The following JADE3 variants were observed in gnomAD, a reference collection of about 807,000 sequenced individuals.
The protein encoded by JADE3 is protein Jade-3.
A neutral mutation model predicts 50.1 loss-of-function variants in JADE3; 2 were observed. The observed-to-expected ratio is 0.04, with a 90% CI of 0.02 to 0.13. The LOEUF is 0.13. Among genes scored for constraint, JADE3 ranks in the 10% least tolerant of loss-of-function variants. The pLI is 1.00. For synonymous variants in JADE3, 218 were observed against 232.9 expected (o/e 0.94, Z 0.58); for missense variants, 475 against 634.4 (o/e 0.75, Z 2.70).
chrX:47,033,991 T>C (rs1556367342), intron 7 of JADE3, among the ~76,000 whole-genome samples: 1 of 111,391 alleles, frequency 9.0e-6, no homozygotes, highest in Non-Finnish European at 1.9e-5. Flanking sequence ...ATATAGGTGG[T>C]ATTCCCAGTG....
At chrX:46,957,769 T>C (rs1927168264) in intron 1 of JADE3, among the ~76,000 whole-genome samples, 1 of 112,444 alleles carries the variant, frequency 8.9e-6, no homozygotes, top group Non-Finnish European at 1.9e-5. Flanking sequence ...TGATTGATTA[T>C]AGACCCACTT....
intron 1 of JADE3, among the ~76,000 whole-genome samples, chrX:46,917,705 C>T (rs1411337155): frequency 1.8e-5 from 2 of 109,389 alleles, no homozygotes; most frequent in Non-Finnish European, 3.8e-5. Flanking sequence ...ATTGACAGGG[C>T]CTTACGGGAC....
At chrX:46,978,105 A>C (rs781819266) in intron 1 of JADE3, among the ~76,000 whole-genome samples, 1 of 112,119 alleles carries the variant, frequency 8.9e-6, no homozygotes, top group African/African-American at 3.2e-5. Context: ...AGGGCTGACC[A>C]TGTAAAGCAG....
intron 7 of JADE3, 22 bp from the exon 8 acceptor site, chrX:47,038,927 T>C (rs201110431): frequency 3.2e-4 from 298 of 919,489 alleles, no homozygotes; most frequent in Non-Finnish European, 3.4e-4. Context: ...ACTTCTGCCT[T>C]ATGGTGGTAT....
At chrX:46,920,962 T>C (rs1556337615) in intron 1 of JADE3, among the ~76,000 whole-genome samples, 1 of 112,315 alleles carries the variant, frequency 8.9e-6, no homozygotes, top group Non-Finnish European at 1.9e-5. Flanking sequence ...AATTTTTTTA[T>C]AGAAACAGGG....
At chrX:46,937,396 G>T (rs1348322165) in intron 1 of JADE3, among the ~76,000 whole-genome samples, 1 of 111,050 alleles carries the variant, frequency 9.0e-6, no homozygotes, top group East Asian at 2.8e-4. Flanking sequence ...GGGGTGAAGT[G>T]TTCTGTACAT....
At chrX:47,031,049 CAA>C (rs370049910) in intron 6 of JADE3, among the ~76,000 whole-genome samples, 1 of 92,908 alleles carries the variant, frequency 1.1e-5, no homozygotes, top group Non-Finnish European at 2.2e-5. Context: ...GACTCCATCT[CAA>C]AAAAAAAAAA....
At chrX:46,916,666 A>G (rs1366998386) in intron 1 of JADE3, among the ~76,000 whole-genome samples, 4 of 112,363 alleles carry the variant, frequency 3.6e-5, no homozygotes, top group African/African-American at 1.3e-4. Flanking sequence ...CTTTGCAACA[A>G]TAATATATTC....
At position 46,982,019 on chromosome X, in the gene JADE3, A is replaced by G. The variant is rs782746794; in HGVS notation, c.-11-2865A>G. The stretch of plus-strand genomic sequence containing the variant: ...TTGAGTTTCCTGAATATGTAAATTA[A>G]TGTTTTTCAGTAAATTTGGGGAGTT... On this transcript the variant is annotated intron_variant, in intron 1 of 10. Transcript: ENST00000614628. Among the ~76,000 whole-genome samples, 3 of 111,425 alleles carry G rather than the reference A, an allele frequency of 2.7e-5. No homozygotes were observed. The South Asian group carries it at 1.1e-3, about 42-fold the overall frequency.
chrX:46,925,359 G>T (rs1926332530), intron 1 of JADE3, among the ~76,000 whole-genome samples: 1 of 112,302 alleles, frequency 8.9e-6, no homozygotes, highest in Admixed American at 9.4e-5. Flanking sequence ...AACTTTTAAG[G>T]AATGCTTATT....
intron 1 of JADE3, among the ~76,000 whole-genome samples, chrX:46,913,463 G>A (rs7883705): frequency 4.5e-5 from 5 of 111,669 alleles, no homozygotes; most frequent in African/African-American, 1.6e-4. Flanking sequence ...AGTCTTCCGG[G>A]GAAATTTTCC....
At chrX:47,008,939 T>C (rs1442788051) in intron 4 of JADE3, among the ~76,000 whole-genome samples, 1 of 111,334 alleles carries the variant, frequency 9.0e-6, no homozygotes, top group Non-Finnish European at 1.9e-5. Flanking sequence ...AATATAATAC[T>C]TTTATATTCA....
At position 46,987,440 on chromosome X, in the gene JADE3, C is replaced by T. The variant is rs781785716; in HGVS notation, c.126+1648C>T. On this transcript the variant is annotated intron_variant, in intron 3 of 10. Transcript: ENST00000614628. ...TTTGCCATATTCTGTTGTTTAGAAG[C>T]AAGTCACAGGTCCCACTGCCTTAGT... Among the ~76,000 whole-genome samples the T allele has an allele frequency of 4.5e-5, 5 of 111,959 alleles. No individual in the cohort carries two copies. The East Asian group carries it at 1.4e-3, about 31-fold the overall frequency.
At chrX:47,035,624 T>G (rs1359903973) in intron 7 of JADE3, among the ~76,000 whole-genome samples, 1 of 111,412 alleles carries the variant, frequency 9.0e-6, no homozygotes, top group African/African-American at 3.3e-5. Flanking sequence ...AGTTCTTGGT[T>G]TCCAGTGCCT....
At position 47,058,181 on chromosome X, in the gene JADE3, A is replaced by C. The variant is rs1556373751; in HGVS notation, c.1576A>C (p.Asn526His). 2 of 1,204,089 alleles carry C rather than the reference A, an allele frequency of 1.7e-6. No homozygotes were observed. Among genetic ancestry groups the C allele is most frequent in the Non-Finnish European group, 1.1e-6 (1 of 892,081 alleles). Residue 526 changes from asparagine (N) to histidine (H), a missense_variant, in exon 11 of 11, where the codon AAT (asparagine) becomes CAT (histidine). Physicochemically the swap from Asn to His is moderately conservative, Grantham distance 68. Coordinates refer to ENST00000614628, the MANE Select transcript of JADE3 (RefSeq NM_014735.5). ...TTTTATCTCAGGGCTTCCTTTGACAAATGCACTTGAAAACTCACTGTTTTA... is the reference window on the plus strand; with the variant it reads ...TTTTATCTCAGGGCTTCCTTTGACACATGCACTTGAAAACTCACTGTTTTA... ...QEIDAGLPLTNALENSLFYPP... is the reference protein window; with the variant it reads ...QEIDAGLPLTHALENSLFYPP...
At chrX:46,978,996 T>A (rs1302567037) in intron 1 of JADE3, among the ~76,000 whole-genome samples, 1 of 112,481 alleles carries the variant, frequency 8.9e-6, no homozygotes, top group Non-Finnish European at 1.9e-5. Context: ...CAGCAGTATG[T>A]CACAGAAATG....
chrX:47,025,637 G>A (rs1263575962), intron 5 of JADE3, among the ~76,000 whole-genome samples: 1 of 112,030 alleles, frequency 8.9e-6, no homozygotes, highest in Non-Finnish European at 1.9e-5. Flanking sequence ...AGAAATGCTA[G>A]GCTGAAAGAT....
intron 3 of JADE3, among the ~76,000 whole-genome samples, chrX:46,990,920 C>T (rs1927975526): frequency 1.8e-5 from 2 of 110,187 alleles, no homozygotes; most frequent in African/African-American, 6.6e-5. Context: ...CTATTCTAGA[C>T]ATTTCATATA....
chrX:46,958,280 A>G (rs1556346977), intron 1 of JADE3, among the ~76,000 whole-genome samples: 1 of 112,433 alleles, frequency 8.9e-6, no homozygotes, highest in African/African-American at 3.2e-5. Flanking sequence ...TTGGGAAACA[A>G]TTTAATTGCA....
Sources: gnomAD v4.1 joint callset for allele counts (sites outside exome capture counted in the v4.1 genomes callset) on GRCh38, gnomAD v4.1.1 for gene constraint, MANE v1.5 for transcripts, NCBI Gene and HGNC (gene_info 2026-07-23, HGNC 2026-07-21) for gene names.